UCP1: variants seen among roughly 807,000 people sequenced by gnomAD.
UCP1 encodes uncoupling protein 1.
UCP1 carries 24 observed loss-of-function variants against 26.2 expected under a neutral mutation model. The ratio of observed to expected loss-of-function variants is 0.92; its 90% CI spans 0.66 to 1.29. The LOEUF is 1.29. Ranked by LOEUF, UCP1 falls within the 50% of genes most tolerant of loss-of-function variation. The pLI is 0.00. For synonymous variants in UCP1, 164 were observed against 156.8 expected (o/e 1.05, Z -0.34); for missense variants, 402 against 388.7 (o/e 1.03, Z -0.29).
At position 140,568,840 on chromosome 4, in the gene UCP1, T is replaced by C; in HGVS notation, c.-111A>G. The C allele has an allele frequency of 1.3e-6, 2 of 1,511,084 alleles. No homozygotes were observed. Among genetic ancestry groups the C allele is most frequent in the South Asian group, 1.2e-5 (1 of 83,126 alleles). 93.6% of individuals were successfully genotyped at this position (1,511,084 alleles called of 1,614,324 possible). On this transcript the variant is annotated 5_prime_UTR_variant, in exon 1 of 6. Transcript: ENST00000262999. Reference sequence around the variant, plus strand: ...TCCGCCGGGCAGCAAACCCGATTTCTGTTTTTTGAACCGACCGCCGGGCAG... The same window carrying C: ...TCCGCCGGGCAGCAAACCCGATTTCCGTTTTTTGAACCGACCGCCGGGCAG...
intron 2 of UCP1, among the ~76,000 whole-genome samples, 162 bp downstream of exon 2, chr4:140,567,617 T>G (rs1397943541): frequency 3.3e-5 from 5 of 152,228 alleles, no homozygotes; most frequent in Admixed American, 6.5e-5. Context: ...TTTGCATACT[T>G]TTTTCTATGA....
chr4:140,564,148 G>A (rs957904949), intron 2 of UCP1, among the ~76,000 whole-genome samples: 2 of 152,138 alleles, frequency 1.3e-5, no homozygotes, highest in Non-Finnish European at 2.9e-5. Flanking sequence ...TTATCCGACT[G>A]TGAGGAGGCA....
At position 140,562,994 on chromosome 4, in the gene UCP1, A is replaced by T. The variant is rs929988091; in HGVS notation, c.628+116T>A. 3.4e-6 allele frequency: 3 copies of T among 881,038 alleles called. No homozygotes were observed. The African/African-American group carries it at 5.1e-5, about 15-fold the overall frequency. The allele number at this position is 881,038 out of a possible 1,614,324, so 54.6% of individuals were successfully genotyped here. A position where few individuals can be genotyped will look rare whatever the true frequency, so the allele number is the denominator to read the frequency against. Reference sequence around the variant, plus strand: ...GTTATATATGGTTCAAAATTACTTAATTTTTAAAAAGAGAAAACTATTGGA... The same window carrying T: ...GTTATATATGGTTCAAAATTACTTATTTTTTAAAAAGAGAAAACTATTGGA... On this transcript the variant is annotated intron_variant, in intron 4 of 5. Coordinates refer to ENST00000262999, the MANE Select transcript of UCP1 (RefSeq NM_021833.5).
At chr4:140,568,325 A>G (rs1398422331) in intron 1 of UCP1, among the ~76,000 whole-genome samples, 2 of 152,154 alleles carry the variant, frequency 1.3e-5, no homozygotes, top group African/African-American at 4.8e-5. Flanking sequence ...CAATATTCTC[A>G]GCTCTTAAAA....
intron 1 of UCP1, 114 bp downstream of exon 1, chr4:140,568,490 G>T (rs1735854669): frequency 1.3e-6 from 2 of 1,537,628 alleles, no homozygotes; most frequent in African/African-American, 2.7e-5. Context: ...GCTTTGGAAG[G>T]TCACCTACCC....
At position 140,562,317 on chromosome 4, in the gene UCP1, T is replaced by A. The variant is rs2270565; in HGVS notation, c.685A>T (p.Met229Leu). Reference sequence around the variant, plus strand: ...TTTACTACATCCACCGGGGAGGACATAGCTGTTGCGCAAAATCCAGCGATA... The same window carrying A: ...TTTACTACATCCACCGGGGAGGACAAAGCTGTTGCGCAAAATCCAGCGATA... ...ALIAGFCATA[M>L]SSPVDVVKTR... The change falls in exon 5 of 6, where the codon ATG becomes TTG. Residue 229 changes from methionine (M) to leucine (L), a missense_variant. By Grantham distance (15) the Met-to-Leu change is conservative. Transcript: ENST00000262999. 128,598 of 1,613,978 alleles carry A rather than the reference T, an allele frequency of 0.08. 5,583 individuals carry two copies. Among genetic ancestry groups the A allele is most frequent in the South Asian group, 0.11 (10,353 of 91,068 alleles).
At chr4:140,567,288 C>A (rs1735819790) in intron 2 of UCP1, among the ~76,000 whole-genome samples, 1 of 152,218 alleles carries the variant, frequency 6.6e-6, no homozygotes, top group African/African-American at 2.4e-5. Context: ...CCTTTCAACT[C>A]TCTTCACAAA....
chr4:140,563,066 T>G (rs769912939), intron 4 of UCP1, 44 bp downstream of exon 4: 2 of 1,495,784 alleles, frequency 1.3e-6, no homozygotes, highest in Admixed American at 1.7e-5. Context: ...CAAGATGAAC[T>G]TCTAAAGGTG....
Position 140,568,882 on chromosome 4 carries a change from G to T in UCP1, c.-153C>A. ...GCCGGGCAGCGGCGGTGCAGAGGCG[G>T]CGGCTGCAGACGGAGCGCGGTGTTG... On this transcript the variant is annotated 5_prime_UTR_variant, in exon 1 of 6. Coordinates refer to ENST00000262999, the MANE Select transcript of UCP1 (RefSeq NM_021833.5). 1 of 1,238,580 alleles carries T rather than the reference G, an allele frequency of 8.1e-7. No individual in the cohort carries two copies. Among genetic ancestry groups the T allele is most frequent in the Non-Finnish European group, 1.1e-6 (1 of 898,752 alleles). The allele number at this position is 1,238,580 out of a possible 1,614,324, so 76.7% of individuals were successfully genotyped here.
chr4:140,566,954 C>T (rs1326084703), intron 2 of UCP1, among the ~76,000 whole-genome samples: 1 of 152,288 alleles, frequency 6.6e-6, no homozygotes, highest in East Asian at 1.9e-4. Flanking sequence ...CCTGGCTCTG[C>T]CCCCTCCCAG....
At chr4:140,565,243 A>T (rs891342963) in intron 2 of UCP1, among the ~76,000 whole-genome samples, 5 of 152,202 alleles carry the variant, frequency 3.3e-5, no homozygotes, top group Non-Finnish European at 7.3e-5. Flanking sequence ...GGGTATCTTT[A>T]AACAGAAACT....
intron 4 of UCP1, 36 bp from the exon 5 acceptor site, chr4:140,562,409 T>A (rs1735698314): frequency 1.9e-6 from 3 of 1,609,774 alleles, no homozygotes; most frequent in Middle Eastern, 1.8e-4. Flanking sequence ...AACATCAGAC[T>A]TTTGGGGGCT....
intron 4 of UCP1, among the ~76,000 whole-genome samples, chr4:140,562,749 GCT>G (rs1363980603): frequency 5.3e-5 from 8 of 151,960 alleles, no homozygotes; most frequent in Non-Finnish European, 1.0e-4. Flanking sequence ...CCACTGATAA[GCT>G]CCTTTTATAA....
chr4:140,568,075 A>G (rs1465570452), intron 1 of UCP1, 98 bp from the exon 2 acceptor site: 23 of 1,297,354 alleles, frequency 1.8e-5, no homozygotes, highest in Non-Finnish European at 2.4e-5. Context: ...TTCTTTTCTC[A>G]GCAACATTCC....
At chr4:140,563,292 A>G (rs1735721782) in intron 3 of UCP1, 26 bp downstream of exon 3, 1 of 1,613,720 alleles carries the variant, frequency 6.2e-7, no homozygotes, top group Non-Finnish European at 8.5e-7. Flanking sequence ...TTTGGTGGTT[A>G]TAAAACCCAT....
In UCP1 at chr4:140,568,798, C is replaced by T; in HGVS notation, c.-69G>A. The T allele has an allele frequency of 2.0e-6, 3 of 1,538,432 alleles. No individual in the cohort carries two copies. The highest frequency in any genetic ancestry group is 2.6e-6 in the Non-Finnish European group (3 of 1,147,222). On this transcript the variant is annotated 5_prime_UTR_variant, in exon 1 of 6. Coordinates refer to ENST00000262999, the MANE Select transcript of UCP1 (RefSeq NM_021833.5). ...CCGAAGGTGGAGGAAGTTCCTTTCCCTTGCTCTTCACGCCTGTCCGCCGGG... is the reference window on the plus strand; with the variant it reads ...CCGAAGGTGGAGGAAGTTCCTTTCCTTTGCTCTTCACGCCTGTCCGCCGGG...
chr4:140,562,454 T>C, intron 4 of UCP1, 81 bp from the exon 5 acceptor site: 4 of 1,406,700 alleles, frequency 2.8e-6, no homozygotes, highest in Non-Finnish European at 4.0e-6. Flanking sequence ...TTTATAAACC[T>C]ATTGATAACA....
intron 5 of UCP1, 44 bp from the exon 6 acceptor site, chr4:140,560,054 T>C (rs1422403873): frequency 1.7e-5 from 26 of 1,567,240 alleles, no homozygotes; most frequent in Non-Finnish European, 2.2e-5. Flanking sequence ...GTTTGATTTT[T>C]TTTTTTTTTA....
Position 140,562,382 on chromosome 4 carries a change from G to T in UCP1, c.629-9C>A. On this transcript the variant is annotated splice_polypyrimidine_tract_variant and intron_variant, in intron 4 of 5. Transcript: ENST00000262999. The stretch of plus-strand genomic sequence containing the variant: ...GTGGCAGGGGACGTCATCTAAAATG[G>T]ATCGATGAAACAGGTCAACATCAGA... 6.2e-7 allele frequency: 1 copy of T among 1,613,782 alleles called. No individual in the cohort carries two copies. The highest frequency in any genetic ancestry group is 8.5e-7 in the Non-Finnish European group (1 of 1,179,918).
Sources: gnomAD v4.1 joint callset for allele counts (sites outside exome capture counted in the v4.1 genomes callset) on GRCh38, gnomAD v4.1.1 for gene constraint, MANE v1.5 for transcripts, NCBI Gene and HGNC (gene_info 2026-07-23, HGNC 2026-07-21) for gene names.